CAPRIN2: variants seen among roughly 807,000 people sequenced by gnomAD.
The protein encoded by CAPRIN2 is caprin-2.
A neutral mutation model predicts 130.4 loss-of-function variants in CAPRIN2; 66 were observed. That is an observed-to-expected ratio of 0.51 (90% confidence interval 0.42 to 0.62). CAPRIN2 has a LOEUF of 0.62. Ranked by LOEUF, CAPRIN2 falls within the 20% of genes least tolerant of loss-of-function variation. The pLI is 0.00. For synonymous variants in CAPRIN2, 471 were observed against 444.1 expected, an observed-to-expected ratio of 1.06 and a Z score of -0.76; for missense variants, 1,185 against 1,246.6, an observed-to-expected ratio of 0.95 and a Z score of 0.74.
chr12:30,713,266 T>C (rs1054458768), intron 15 of CAPRIN2, among the ~76,000 whole-genome samples: 1 of 152,238 alleles, frequency 6.6e-6, no homozygotes, highest in African/African-American at 2.4e-5. Flanking sequence ...CATCCTCTTA[T>C]GAGTCTTTTA....
At chr12:30,745,571 T>C (rs893934762) in intron 2 of CAPRIN2, among the ~76,000 whole-genome samples, 1 of 151,950 alleles carries the variant, frequency 6.6e-6, no homozygotes, top group Non-Finnish European at 1.5e-5. Flanking sequence ...AAGAAGAAAA[T>C]CAAACTAAAA....
chr12:30,747,865 G>T, intron 2 of CAPRIN2, among the ~76,000 whole-genome samples: 1 of 152,112 alleles, frequency 6.6e-6, no homozygotes, highest in East Asian at 1.9e-4. Flanking sequence ...CAGGAGTTTG[G>T]GAAAAGCTGA....
At chr12:30,741,137 T>G in intron 2 of CAPRIN2, 31 bp from the exon 4 acceptor site, 1 of 1,320,934 alleles carries the variant, frequency 7.6e-7, no homozygotes, top group Non-Finnish European at 1.1e-6. Flanking sequence ...ACATAAATTT[T>G]GTGACTGTTT....
intron 3 of CAPRIN2, among the ~76,000 whole-genome samples, chr12:30,739,943 G>C (rs1469874407): frequency 6.6e-6 from 1 of 152,002 alleles, no homozygotes; most frequent in Non-Finnish European, 1.5e-5. Flanking sequence ...ATTGTTACTG[G>C]GTAACTCTGA....
chr12:30,728,554 CAAAAAA>C (rs11406794), intron 8 of CAPRIN2, 88 bp downstream of exon 9: 4 of 809,368 alleles, frequency 4.9e-6, no homozygotes, highest in African/African-American at 3.9e-5. Flanking sequence ...TTCTCCATCT[CAAAAAA>C]AAAAAAAAAA....
intron 8 of CAPRIN2, among the ~76,000 whole-genome samples, chr12:30,726,666 CT>C (rs201680963): frequency 0.011 from 1,677 of 152,236 alleles, 22 homozygotes; most frequent in African/African-American, 0.038. Context: ...TTTACAGTTA[CT>C]TTTTATAGCT....
At chr12:30,712,384 G>A (rs1219892894) in intron 15 of CAPRIN2, among the ~76,000 whole-genome samples, 2 of 152,090 alleles carry the variant, frequency 1.3e-5, no homozygotes, top group African/African-American at 4.8e-5. Context: ...ATGTAAAAGA[G>A]CACACAAAAT....
chr12:30,750,440 C>A (rs1376099625), intron 2 of CAPRIN2, among the ~76,000 whole-genome samples: 1 of 152,146 alleles, frequency 6.6e-6, no homozygotes, highest in Non-Finnish European at 1.5e-5. Context: ...CAAAAACTCT[C>A]CTTCACAAAT....
chr12:30,722,390 T>C (rs2059671776), intron 11 of CAPRIN2, among the ~76,000 whole-genome samples: 1 of 152,112 alleles, frequency 6.6e-6, no homozygotes, highest in Non-Finnish European at 1.5e-5. Flanking sequence ...CCTTATGACA[T>C]ATAAAGTGGG....
intron 2 of CAPRIN2, among the ~76,000 whole-genome samples, chr12:30,748,664 T>G (rs140916785): frequency 6.6e-5 from 10 of 151,324 alleles, no homozygotes; most frequent in Admixed American, 2.0e-4. Context: ...GAAGATTCTA[T>G]TTTTTTTTCC....
intron 5 of CAPRIN2, 128 bp downstream of exon 6, chr12:30,733,501 G>A (rs11613738): frequency 0.09 from 59,345 of 659,900 alleles, 2,879 homozygotes; most frequent in Middle Eastern, 0.13. Context: ...CATTCTCCCA[G>A]TGAATATAGT....
chr12:30,723,629 G>A (rs530623176), intron 10 of CAPRIN2, among the ~76,000 whole-genome samples: 29 of 151,830 alleles, frequency 1.9e-4, no homozygotes, highest in African/African-American at 6.3e-4. Context: ...GTAAGACCCA[G>A]GCTACCATGT....
chr12:30,738,251 T>C (rs907034671), intron 3 of CAPRIN2, among the ~76,000 whole-genome samples: 18 of 151,686 alleles, frequency 1.2e-4, no homozygotes, highest in African/African-American at 4.4e-4. Context: ...AATAATTTCA[T>C]GGATATTAAC....
Position 30,723,268 on chromosome 12 carries a change from CT to C in CAPRIN2, c.2033del (p.Glu678GlyfsTer33). ...TAATTTGGAAAGTTACCTGTAACGG[CT>C]CTTGAAGAAAATCACTTTGACTGGA... On this transcript the variant is annotated frameshift_variant, in exon 11 of 17. Coordinates refer to ENST00000298892, the Ensembl canonical transcript of CAPRIN2. LOFTEE classifies it high-confidence loss of function. 6.2e-7 allele frequency: 1 copy of C among 1,610,728 alleles called. No individual in the cohort carries two copies. Among genetic ancestry groups the C allele is most frequent in the Non-Finnish European group, 8.5e-7 (1 of 1,177,304 alleles).
chr12:30,737,598 C>CT (rs11304850), intron 3 of CAPRIN2, among the ~76,000 whole-genome samples: 2,840 of 131,202 alleles, frequency 0.022, 77 homozygotes, highest in East Asian at 0.095. Context: ...AACTGGTTTT[C>CT]TTTTTTTTTT....
chr12:30,716,326 T>C (rs2057544035), intron 13 of CAPRIN2, 182 bp downstream of exon 15: 1 of 533,984 alleles, frequency 1.9e-6, no homozygotes, highest in Non-Finnish European at 3.2e-6. Flanking sequence ...TTAAAATTAA[T>C]AGGTAAACTT....
intron 3 of CAPRIN2, among the ~76,000 whole-genome samples, chr12:30,740,377 A>T (rs1416248329): frequency 1.3e-5 from 2 of 152,220 alleles, no homozygotes; most frequent in Non-Finnish European, 2.9e-5. Context: ...TTATTTAAAA[A>T]TTTCCACAAT....
intron 13 of CAPRIN2, 70 bp from the exon 16 acceptor site, chr12:30,715,211 T>C: frequency 8.1e-7 from 1 of 1,231,976 alleles, no homozygotes; most frequent in Non-Finnish European, 1.2e-6. Context: ...AAAGCCAATA[T>C]ATATCAAAAT....
Position 30,752,111 on chromosome 12 carries a change from G to A in CAPRIN2, c.421-978C>T, listed in dbSNP as rs1262287574. 2.0e-5 allele frequency among the ~76,000 whole-genome samples: 3 copies of A among 151,568 alleles called. No individual in the cohort carries two copies. In the East Asian group the frequency reaches 5.8e-4, roughly 29 times the overall value. The stretch of plus-strand genomic sequence containing the variant: ...TTCTTTTTGTATTTTTAGTAGAGAC[G>A]GGGTTTCATCATGTTGGCCAGGCTA... On this transcript the variant is annotated intron_variant, in intron 1 of 16. Transcript: ENST00000298892.
Sources: gnomAD v4.1 joint callset for allele counts (sites outside exome capture counted in the v4.1 genomes callset) on GRCh38, gnomAD v4.1.1 for gene constraint, MANE v1.5 for transcripts, NCBI Gene and HGNC (gene_info 2026-07-23, HGNC 2026-07-21) for gene names.